The following CRIM1 variants were observed in gnomAD, a reference collection of about 807,000 sequenced individuals.
CRIM1 encodes cysteine rich transmembrane BMP regulator 1, also known as cysteine-rich motor neuron 1 protein.
A neutral mutation model predicts 116.4 loss-of-function variants in CRIM1; 32 were observed. The ratio of observed to expected loss-of-function variants is 0.27; its 90% confidence interval spans 0.21 to 0.37. The LOEUF is 0.37. Ranked by LOEUF, CRIM1 falls within the 10% of genes least tolerant of loss-of-function variation. The pLI, the probability that CRIM1 is intolerant of heterozygous loss-of-function variation, is 1.00. For synonymous variants in CRIM1, 590 were observed against 509.2 expected, an observed-to-expected ratio of 1.16 and a Z score of -2.13; for missense variants, 1,331 against 1,354.8, an observed-to-expected ratio of 0.98 and a Z score of 0.28.
intron 13 of CRIM1, among the ~76,000 whole-genome samples, chr2:36,532,889 A>T (rs908666119): frequency 1.2e-4 from 19 of 152,230 alleles, no homozygotes; most frequent in African/African-American, 4.1e-4. Context: ...GGCATTCAGT[A>T]AGTGGAAGTT....
intron 13 of CRIM1, among the ~76,000 whole-genome samples, chr2:36,526,984 A>G (rs1050667725): frequency 2.0e-5 from 3 of 152,090 alleles, no homozygotes; most frequent in Non-Finnish European, 4.4e-5. Context: ...TATGTAGAAC[A>G]TTGTTTTGAA....
In CRIM1 at chr2:36,362,317, GGAATTT is replaced by G. The variant is rs144918913; in HGVS notation, c.331+5704_331+5709del. On this transcript the variant is annotated intron_variant, in intron 1 of 16. Coordinates refer to ENST00000280527, the MANE Select transcript of CRIM1 (RefSeq NM_016441.3). The stretch of plus-strand genomic sequence containing the variant: ...AGGCTCTGGTGGCAAAGCAGAAAGG[GGAATTT>G]GAATTTGAACTAGGTTTAAAAGTGT... Among the ~76,000 whole-genome samples the G allele has an allele frequency of 2.2e-3, 336 of 152,234 alleles. 1 individual carries two copies. Among genetic ancestry groups the G allele is most frequent in the African/African-American group, 7.9e-3 (328 of 41,546 alleles).
At chr2:36,495,475 A>ATTTAT (rs1368899201) in intron 7 of CRIM1, among the ~76,000 whole-genome samples, 1 of 129,646 alleles carries the variant, frequency 7.7e-6, no homozygotes. Flanking sequence ...TTATTTATTT[A>ATTTAT]TTTTTTTTTT....
intron 6 of CRIM1, among the ~76,000 whole-genome samples, chr2:36,478,009 C>T (rs112052956): frequency 1.3e-5 from 2 of 152,268 alleles, no homozygotes; most frequent in Non-Finnish European, 1.5e-5. Context: ...AATCTGAAGT[C>T]GCATGTGTTA....
intron 7 of CRIM1, among the ~76,000 whole-genome samples, chr2:36,488,919 G>A (rs571096223): frequency 1.3e-5 from 2 of 152,200 alleles, no homozygotes; most frequent in East Asian, 3.9e-4. Flanking sequence ...TTGGCTGCCG[G>A]AGCAAACCGA....
At chr2:36,401,684 A>T (rs182673423) in intron 2 of CRIM1, among the ~76,000 whole-genome samples, 2 of 152,220 alleles carry the variant, frequency 1.3e-5, no homozygotes, top group Non-Finnish European at 2.9e-5. Context: ...AAGTTTGCCT[A>T]TAATTCCAAG....
At chr2:36,486,266 A>G (rs1253317440) in intron 7 of CRIM1, among the ~76,000 whole-genome samples, 6 of 152,214 alleles carry the variant, frequency 3.9e-5, no homozygotes, top group Non-Finnish European at 7.3e-5. Flanking sequence ...TAATAGTTAA[A>G]CAAGTGTAGA....
At chr2:36,471,719 T>A (rs1368879581) in intron 5 of CRIM1, among the ~76,000 whole-genome samples, 1 of 119,608 alleles carries the variant, frequency 8.4e-6, no homozygotes, top group Non-Finnish European at 1.7e-5. Flanking sequence ...GATAGCTGAT[T>A]AGCTTAAACA....
chr2:36,463,723 C>T (rs1455737491), intron 4 of CRIM1, among the ~76,000 whole-genome samples: 1 of 152,198 alleles, frequency 6.6e-6, no homozygotes, highest in African/African-American at 2.4e-5. Context: ...TGCCAGGCTT[C>T]TGCGTTTAGC....
chr2:36,427,929 C>G (rs1294012589), intron 2 of CRIM1, among the ~76,000 whole-genome samples: 1 of 152,222 alleles, frequency 6.6e-6, no homozygotes, highest in Non-Finnish European at 1.5e-5. Context: ...GTGGACAGCA[C>G]TATAGCTGTC....
intron 5 of CRIM1, among the ~76,000 whole-genome samples, chr2:36,466,138 G>A (rs112978037): frequency 0.026 from 3,996 of 151,960 alleles, 182 homozygotes; most frequent in African/African-American, 0.09. Context: ...CACCCGCCTC[G>A]GCCTCCCAAG....
At chr2:36,490,405 A>C (rs546269086) in intron 7 of CRIM1, among the ~76,000 whole-genome samples, 124 of 152,278 alleles carry the variant, frequency 8.1e-4, no homozygotes, top group Non-Finnish European at 1.3e-3. Flanking sequence ...GCAGGGACTC[A>C]AGCTATGTTT....
chr2:36,445,109 A>AT (rs1161027285), intron 4 of CRIM1, among the ~76,000 whole-genome samples: 1 of 152,188 alleles, frequency 6.6e-6, no homozygotes, highest in Non-Finnish European at 1.5e-5. Flanking sequence ...CTGTTGGTGA[A>AT]TGAATGGATG....
chr2:36,499,074 A>T, intron 7 of CRIM1, 145 bp from the exon 8 acceptor site: 2 of 643,148 alleles, frequency 3.1e-6, no homozygotes, highest in Non-Finnish European at 5.5e-6. Flanking sequence ...GGTTAAAGAT[A>T]TTACTGGAGC....
chr2:36,423,434 G>A (rs925682402), intron 2 of CRIM1, among the ~76,000 whole-genome samples: 1 of 152,212 alleles, frequency 6.6e-6, no homozygotes, highest in African/African-American at 2.4e-5. Flanking sequence ...ACTTTACAAT[G>A]TTCCTTTGTT....
At chr2:36,413,874 C>T (rs1673403699) in intron 2 of CRIM1, among the ~76,000 whole-genome samples, 1 of 152,116 alleles carries the variant, frequency 6.6e-6, no homozygotes, top group African/African-American at 2.4e-5. Context: ...CATATGTCAA[C>T]CATATTGTCA....
chr2:36,489,403 G>A (rs898971788), intron 7 of CRIM1, among the ~76,000 whole-genome samples: 14 of 152,156 alleles, frequency 9.2e-5, no homozygotes, highest in Middle Eastern at 3.2e-3. Context: ...GGAGAGGGTC[G>A]GCAAGCTCAG....
At chr2:36,456,444 C>A (rs1320535162) in intron 4 of CRIM1, among the ~76,000 whole-genome samples, 3 of 152,210 alleles carry the variant, frequency 2.0e-5, no homozygotes, top group African/African-American at 7.2e-5. Flanking sequence ...TCTCCACTTC[C>A]CAGCCCAGTT....
chr2:36,516,258 T>C (rs1361292416), intron 11 of CRIM1, among the ~76,000 whole-genome samples: 7 of 152,156 alleles, frequency 4.6e-5, no homozygotes, highest in Non-Finnish European at 7.4e-5. Context: ...CATCTCTGCA[T>C]ATATGGGCCC....
Sources: gnomAD v4.1 joint callset for allele counts (sites outside exome capture counted in the v4.1 genomes callset) on GRCh38, gnomAD v4.1.1 for gene constraint, MANE v1.5 for transcripts, NCBI Gene and HGNC (gene_info 2026-07-23, HGNC 2026-07-21) for gene names.